LSAMP: variants seen among roughly 807,000 people sequenced by gnomAD.
LSAMP encodes limbic system-associated membrane protein.
In LSAMP, 7 loss-of-function variants were observed where a neutral mutation model predicts 38.6. That is an observed-to-expected ratio of 0.18 (90% CI 0.10 to 0.34). The LOEUF (loss-of-function observed/expected upper bound fraction) is 0.34. Ranked by LOEUF, LSAMP falls within the 10% of genes least tolerant of loss-of-function variation. The pLI is 1.00. For synonymous variants in LSAMP, 154 were observed against 166.8 expected (o/e 0.92, Z 0.59); for missense variants, 313 against 420.0 (o/e 0.75, Z 2.23).
chr3:115,963,361 T>C (rs1462307248), intron 3 of LSAMP, among the ~76,000 whole-genome samples: 1 of 152,222 alleles, frequency 6.6e-6, no homozygotes, highest in Non-Finnish European at 1.5e-5. Context: ...ATTTATTCTT[T>C]TGAATCTTCT....
At chr3:116,347,565 T>C (rs1161410706) in intron 1 of LSAMP, among the ~76,000 whole-genome samples, 1 of 152,146 alleles carries the variant, frequency 6.6e-6, no homozygotes, top group Non-Finnish European at 1.5e-5. Context: ...ACCCACCCCA[T>C]TTTCTTTTAA....
intron 1 of LSAMP, among the ~76,000 whole-genome samples, chr3:116,110,348 G>A (rs148601256): frequency 2.6e-5 from 4 of 152,250 alleles, no homozygotes; most frequent in Admixed American, 6.5e-5. Flanking sequence ...AGGTCTTGCC[G>A]CTAAGGGTGA....
intron 3 of LSAMP, among the ~76,000 whole-genome samples, chr3:115,871,446 G>T (rs963182973): frequency 2.0e-5 from 3 of 152,090 alleles, no homozygotes; most frequent in African/African-American, 7.2e-5. Context: ...GCCCTTGAAG[G>T]CCTCAGGAAA....
At position 116,324,617 on chromosome 3, in the gene LSAMP, C is replaced by T. The variant is rs1031459625; in HGVS notation, c.155+120260G>A. Among the ~76,000 whole-genome samples the T allele has an allele frequency of 3.3e-5, 5 of 152,220 alleles. No individual in the cohort carries two copies. The East Asian group carries it at 9.7e-4, about 29-fold the overall frequency. On this transcript the variant is annotated intron_variant, in intron 1 of 6. Transcript: ENST00000490035. ...AATCACAACATAAGGCTTTAGTCTC[C>T]CCTGGATGCTCTTGTCTTGCTTTCC...
chr3:115,826,450 CA>C (rs1934412798), intron 6 of LSAMP, among the ~76,000 whole-genome samples: 1 of 152,146 alleles, frequency 6.6e-6, no homozygotes, highest in Admixed American at 6.5e-5. Flanking sequence ...AGTCTTCCCC[CA>C]TTAGCCCAGA....
chr3:116,372,968 A>T (rs1451029802), intron 1 of LSAMP, among the ~76,000 whole-genome samples: 3 of 151,384 alleles, frequency 2.0e-5, no homozygotes, highest in Non-Finnish European at 4.4e-5. Flanking sequence ...GATGTTGTGG[A>T]ATACCAACAC....
At chr3:116,351,119 G>C (rs2048133683) in intron 1 of LSAMP, among the ~76,000 whole-genome samples, 1 of 151,778 alleles carries the variant, frequency 6.6e-6, no homozygotes, top group African/African-American at 2.4e-5. Context: ...AACTGCCTGA[G>C]AGTTTATTGA....
chr3:115,997,713 G>GATATATATATATATAT (rs376845636), intron 3 of LSAMP, among the ~76,000 whole-genome samples: 3 of 91,668 alleles, frequency 3.3e-5, no homozygotes, highest in Admixed American at 1.3e-4. Flanking sequence ...GACATTTTGG[G>GATATATATATATATAT]ATATATATAT....
chr3:116,150,841 A>G (rs962352698), intron 1 of LSAMP, among the ~76,000 whole-genome samples: 1 of 152,064 alleles, frequency 6.6e-6, no homozygotes, highest in Non-Finnish European at 1.5e-5. Context: ...ACTAATTTAG[A>G]AAGAAGAAAA....
chr3:116,270,410 C>T (rs2046955806), intron 1 of LSAMP, among the ~76,000 whole-genome samples: 1 of 142,990 alleles, frequency 7.0e-6, no homozygotes, highest in Admixed American at 7.4e-5. Flanking sequence ...CAAATGGACC[C>T]TGAAGCTTCT....
intron 3 of LSAMP, among the ~76,000 whole-genome samples, chr3:115,987,553 C>T (rs910499685): frequency 1.3e-5 from 2 of 152,174 alleles, no homozygotes; most frequent in African/African-American, 4.8e-5. Context: ...CACTTCTCCA[C>T]ATTATATAAG....
intron 1 of LSAMP, among the ~76,000 whole-genome samples, chr3:116,305,615 G>T (rs1225417432): frequency 6.6e-6 from 1 of 151,678 alleles, no homozygotes; most frequent in East Asian, 1.9e-4. Context: ...AAATAACATT[G>T]ATATGAAAGT....
chr3:116,081,575 A>T (rs111479647), intron 2 of LSAMP, among the ~76,000 whole-genome samples: 8 of 152,260 alleles, frequency 5.3e-5, no homozygotes, highest in African/African-American at 1.2e-4. Context: ...GATTAATGAG[A>T]TATAGGAAAT....
intron 1 of LSAMP, among the ~76,000 whole-genome samples, chr3:116,257,993 C>T (rs2046773441): frequency 6.6e-6 from 1 of 152,096 alleles, no homozygotes; most frequent in Non-Finnish European, 1.5e-5. Flanking sequence ...ATTAACACTA[C>T]AAAATTAATA....
At position 116,131,234 on chromosome 3, in the gene LSAMP, G is replaced by A. The variant is rs139249643; in HGVS notation, c.156-44678C>T. Among the ~76,000 whole-genome samples, 677 of 151,866 alleles carry A rather than the reference G, an allele frequency of 4.5e-3. 5 individuals are homozygous for A. The highest frequency in any genetic ancestry group is 0.015 in the African/African-American group (617 of 41,438). On this transcript the variant is annotated intron_variant, in intron 1 of 6. Coordinates refer to ENST00000490035, the MANE Select transcript of LSAMP (RefSeq NM_002338.5). ...TCTCGATCTCCTGACCTCATGATCCGCCCACCTTGGCCTCCCTAAGAGCTG... is the reference window on the plus strand; with the variant it reads ...TCTCGATCTCCTGACCTCATGATCCACCCACCTTGGCCTCCCTAAGAGCTG...
intron 1 of LSAMP, among the ~76,000 whole-genome samples, chr3:116,116,937 G>T (rs1023687099): frequency 6.6e-6 from 1 of 151,998 alleles, no homozygotes; most frequent in East Asian, 1.9e-4. Flanking sequence ...TCCAGAACCA[G>T]CCCACCATGG....
chr3:115,869,281 AGAGAGAGAGAGAGAGAGAGAGACTGACT>A (rs1182795274), intron 3 of LSAMP, among the ~76,000 whole-genome samples: 1 of 151,688 alleles, frequency 6.6e-6, no homozygotes, highest in Non-Finnish European at 1.5e-5. Flanking sequence ...AGAGAGAGAG[AGAGAGAGAGAGAGAGAGAGAGACTGACT>A]GAGAGAGAGA....
chr3:116,167,821 G>A (rs146246720), intron 1 of LSAMP, among the ~76,000 whole-genome samples: 41 of 152,292 alleles, frequency 2.7e-4, no homozygotes, highest in Admixed American at 1.2e-3. Context: ...TTCAAAAACA[G>A]GGCAGAGATA....
chr3:116,104,209 A>T (rs1708411676), intron 1 of LSAMP, among the ~76,000 whole-genome samples: 1 of 152,184 alleles, frequency 6.6e-6, no homozygotes, highest in Non-Finnish European at 1.5e-5. Context: ...ATTTATCCTA[A>T]TCACCAGCTC....
Sources: allele counts gnomAD v4.1 joint callset (sites outside exome capture counted in the v4.1 genomes callset), GRCh38; gene constraint gnomAD v4.1.1; transcripts MANE v1.5; gene names NCBI Gene and HGNC (gene_info 2026-07-23, HGNC 2026-07-21).